The following NOL4 variants were observed in gnomAD, a reference collection of about 807,000 sequenced individuals.
The protein encoded by NOL4 is cancer/testis antigen 125.
Under a neutral mutation model 75.9 loss-of-function variants are expected in NOL4, and 17 were observed. That is an observed-to-expected ratio of 0.22 (90% CI 0.15 to 0.34). NOL4 has a LOEUF of 0.34. Among genes scored for constraint, NOL4 ranks in the 10% least tolerant of loss-of-function variants. NOL4 has a pLI of 1.00. For missense variants in NOL4, 614 were observed against 793.5 expected (o/e 0.77, Z 2.72); for synonymous variants, 292 against 289.9 (o/e 1.01, Z -0.07).
chr18:33,871,088 C>T (rs1493921), intron 10 of NOL4, among the ~76,000 whole-genome samples: 64,148 of 151,846 alleles, frequency 0.42, 13,826 homozygotes, highest in African/African-American at 0.5. Flanking sequence ...AAAGGGTTTA[C>T]AGAAAAAACA....
Position 34,178,433 on chromosome 18 carries a change from T to C in NOL4, c.264+44557A>G, listed in dbSNP as rs564292575. Among the ~76,000 whole-genome samples the C allele has an allele frequency of 5.9e-5, 9 of 151,726 alleles. No homozygotes were observed. The South Asian group carries it at 1.9e-3, about 31-fold the overall frequency. Reference sequence around the variant, plus strand: ...AATTTTAATGGACTAAATTAATGGATAAAAATTATCCAAAAATATGCATAC... The same window carrying C: ...AATTTTAATGGACTAAATTAATGGACAAAAATTATCCAAAAATATGCATAC... On this transcript the variant is annotated intron_variant, in intron 1 of 10. Coordinates refer to ENST00000261592, the MANE Select transcript of NOL4 (RefSeq NM_003787.5).
chr18:34,030,319 T>C (rs759852498), intron 5 of NOL4, among the ~76,000 whole-genome samples: 1 of 152,216 alleles, frequency 6.6e-6, no homozygotes, highest in Non-Finnish European at 1.5e-5. Context: ...CAAATTCTTA[T>C]TTCTTTTGCT....
At chr18:33,880,305 CTG>C (rs61306180) in intron 10 of NOL4, among the ~76,000 whole-genome samples, 20,108 of 144,054 alleles carry the variant, frequency 0.14, 1,336 homozygotes, top group Middle Eastern at 0.2. Context: ...CAAAAGGGGT[CTG>C]TGTGTGTGTG....
chr18:34,204,402 G>A (rs953011757), intron 1 of NOL4, among the ~76,000 whole-genome samples: 3 of 132,106 alleles, frequency 2.3e-5, no homozygotes, highest in African/African-American at 7.2e-5. Flanking sequence ...ATATTCTGAG[G>A]TTTAATATTC....
chr18:33,946,544 C>T (rs1437987491), intron 8 of NOL4, among the ~76,000 whole-genome samples: 1 of 151,692 alleles, frequency 6.6e-6, no homozygotes, highest in Non-Finnish European at 1.5e-5. Flanking sequence ...CCCTAGTGAA[C>T]TATTATTCAC....
At chr18:34,014,916 TTTTG>T (rs1172513755) in intron 6 of NOL4, among the ~76,000 whole-genome samples, 4 of 152,042 alleles carry the variant, frequency 2.6e-5, no homozygotes, top group Non-Finnish European at 5.9e-5. Flanking sequence ...TTATAATCAT[TTTTG>T]TTTGATTTTA....
intron 10 of NOL4, among the ~76,000 whole-genome samples, chr18:33,882,692 A>C (rs1235597527): frequency 0.02 from 3,017 of 150,934 alleles, 94 homozygotes; most frequent in African/African-American, 0.07. Flanking sequence ...TTGACCCAGC[A>C]ATCCCATTAC....
At chr18:34,211,474 G>C (rs903140331) in intron 1 of NOL4, among the ~76,000 whole-genome samples, 2 of 152,126 alleles carry the variant, frequency 1.3e-5, no homozygotes, top group Non-Finnish European at 2.9e-5. Flanking sequence ...GACCAGGCTA[G>C]GCCTTAGATC....
At chr18:34,194,224 C>A (rs770426246) in intron 1 of NOL4, among the ~76,000 whole-genome samples, 24 of 151,940 alleles carry the variant, frequency 1.6e-4, no homozygotes, top group Non-Finnish European at 3.1e-4. Context: ...TTTTAGTATT[C>A]TCATCACAAA....
intron 6 of NOL4, among the ~76,000 whole-genome samples, chr18:33,971,185 T>A (rs1003814228): frequency 2.6e-5 from 4 of 152,216 alleles, no homozygotes; most frequent in African/African-American, 7.2e-5. Flanking sequence ...TATACTTTCA[T>A]ACCAGGAATA....
chr18:33,855,565 A>G (rs955947319), intron 10 of NOL4, among the ~76,000 whole-genome samples: 3 of 152,088 alleles, frequency 2.0e-5, no homozygotes, highest in African/African-American at 7.2e-5. Context: ...TTAAAGGCAC[A>G]TACCAAGGCA....
intron 2 of NOL4, among the ~76,000 whole-genome samples, chr18:34,125,854 C>T (rs577539486): frequency 6.6e-6 from 1 of 152,024 alleles, no homozygotes; most frequent in African/African-American, 2.4e-5. Context: ...GAAACTCTCA[C>T]GAGTTTCATT....
At chr18:33,986,229 A>T (rs540826363) in intron 6 of NOL4, among the ~76,000 whole-genome samples, 4 of 152,252 alleles carry the variant, frequency 2.6e-5, no homozygotes, top group African/African-American at 7.2e-5. Flanking sequence ...TATTCAATAT[A>T]TTGGTTTGAA....
At chr18:34,090,949 A>G (rs1195429954) in intron 5 of NOL4, among the ~76,000 whole-genome samples, 3 of 152,158 alleles carry the variant, frequency 2.0e-5, no homozygotes, top group African/African-American at 4.8e-5. Flanking sequence ...TTTCTGTCCC[A>G]TCCAAAATTG....
At chr18:33,896,357 G>A (rs996743771) in intron 9 of NOL4, among the ~76,000 whole-genome samples, 2 of 151,980 alleles carry the variant, frequency 1.3e-5, no homozygotes, top group African/African-American at 4.8e-5. Flanking sequence ...CAAAGCTGGA[G>A]GCATCAGATT....
chr18:33,857,505 A>C (rs1255699751), intron 10 of NOL4, among the ~76,000 whole-genome samples: 7 of 152,038 alleles, frequency 4.6e-5, no homozygotes, highest in African/African-American at 1.7e-4. Context: ...CTGCAGCAAA[A>C]ATTAATTTCC....
chr18:34,142,466 T>G (rs1256081827), intron 1 of NOL4, among the ~76,000 whole-genome samples: 2 of 152,086 alleles, frequency 1.3e-5, no homozygotes, highest in South Asian at 2.1e-4. Flanking sequence ...ATTAAGAAAA[T>G]GTGGCACATA....
intron 6 of NOL4, among the ~76,000 whole-genome samples, chr18:33,977,310 T>C (rs763663626): frequency 6.6e-6 from 1 of 152,184 alleles, no homozygotes; most frequent in Non-Finnish European, 1.5e-5. Context: ...GTAGCAACCA[T>C]AATCCCCACG....
At chr18:33,952,960 C>T in intron 8 of NOL4, among the ~76,000 whole-genome samples, 1 of 151,984 alleles carries the variant, frequency 6.6e-6, no homozygotes, top group Admixed American at 6.6e-5. Flanking sequence ...CAGAGTTTCA[C>T]ATTATCAAAG....
Sources: gnomAD v4.1 joint callset for allele counts (sites outside exome capture counted in the v4.1 genomes callset) on GRCh38, gnomAD v4.1.1 for gene constraint, MANE v1.5 for transcripts, NCBI Gene and HGNC (gene_info 2026-07-23, HGNC 2026-07-21) for gene names.